Variants in PTOV1 observed in about 807,000 individuals in gnomAD.
The protein encoded by PTOV1 is prostate tumor-overexpressed gene 1 protein.
A neutral mutation model predicts 58.0 loss-of-function variants in PTOV1; 20 were observed. That is an observed-to-expected ratio of 0.34 (90% CI 0.24 to 0.50). The LOEUF (loss-of-function observed/expected upper bound fraction) is 0.50, where lower values mean the gene tolerates loss of function less well. Among genes scored for constraint, PTOV1 ranks in the 20% least tolerant of loss-of-function variants. PTOV1 has a pLI of 0.98. For synonymous variants in PTOV1, 335 were observed against 234.2 expected, an observed-to-expected ratio of 1.43 and a Z score of -3.93; for missense variants, 593 against 565.4, an observed-to-expected ratio of 1.05 and a Z score of -0.50.
intron 6 of PTOV1, 173 bp from the exon 7 acceptor site, chr19:49,857,520 C>T: frequency 1.5e-6 from 1 of 671,080 alleles, no homozygotes; most frequent in Non-Finnish European, 2.6e-6. Context: ...ACTGGGGAGC[C>T]ATGGGGGGCT....
exon 6 of PTOV1, chr19:49,857,049 G>A (rs752186492): frequency 2.5e-6 from 4 of 1,614,012 alleles, no homozygotes; most frequent in African/African-American, 1.3e-5. Flanking sequence ...CGTCCAAGAA[G>A]AAGATCTTCA....
intron 9 of PTOV1, 61 bp downstream of exon 9, chr19:49,858,175 TG>T: frequency 6.3e-7 from 1 of 1,577,358 alleles, no homozygotes. Context: ...AGGGCGGGGC[TG>T]GGGGCAAGAG....
chr19:49,852,035 C>T (rs764526306), intron 1 of PTOV1: 340 of 985,368 alleles, frequency 3.5e-4, no homozygotes, highest in Non-Finnish European at 3.9e-4. Context: ...TGCCGTGAGC[C>T]CAGACCTTAA....
intron 10 of PTOV1, 103 bp from the exon 11 acceptor site, chr19:49,859,883 T>C (rs2074672428): frequency 3.1e-6 from 4 of 1,275,438 alleles, no homozygotes; most frequent in Admixed American, 1.7e-5. Flanking sequence ...GACAGAGCAG[T>C]TAGGCTGTGC....
At chr19:49,858,871 C>G in intron 10 of PTOV1, 1 of 527,796 alleles carries the variant, frequency 1.9e-6, no homozygotes, top group South Asian at 2.6e-5. Context: ...TGCTCCTCCT[C>G]TGCCACATCA....
chr19:49,858,353 G>C, intron 9 of PTOV1, 196 bp from the exon 10 acceptor site: 1 of 679,418 alleles, frequency 1.5e-6, no homozygotes, highest in Non-Finnish European at 2.5e-6. Flanking sequence ...GCACCTGGGG[G>C]GCTGCCAAGG....
chr19:49,857,639 G>T, intron 6 of PTOV1, 54 bp from the exon 7 acceptor site: 1 of 1,538,434 alleles, frequency 6.5e-7, no homozygotes, highest in East Asian at 2.3e-5. Flanking sequence ...AGGACAGACA[G>T]ACAGGTTTCC....
intron 10 of PTOV1, chr19:49,858,880 C>G: frequency 1.9e-6 from 1 of 516,500 alleles, no homozygotes; most frequent in Middle Eastern, 5.2e-4. Flanking sequence ...TCTGCCACAT[C>G]AGGGCTGACT....
chr19:49,856,302 C>G (rs1397011338), intron 5 of PTOV1: 1 of 152,534 alleles, frequency 6.6e-6, no homozygotes, highest in African/African-American at 2.4e-5. Flanking sequence ...GGACAGGGCC[C>G]TGAGCGGGTG....
upstream of PTOV1, chr19:49,850,906 CCGCAAGGGGCCAG>C: frequency 6.5e-7 from 1 of 1,535,942 alleles, no homozygotes; most frequent in Admixed American, 2.0e-5. Flanking sequence ...GTCCCGACCC[CCGCAAGGGGCCAG>C]CTTGGTGTCG....
At chr19:49,854,673 T>C (rs1489055420) in exon 3 of PTOV1, 2 of 1,613,254 alleles carry the variant, frequency 1.2e-6, no homozygotes, top group Non-Finnish European at 1.7e-6. Context: ...CTACTCTGAC[T>C]CCACTGCAAA....
intron 9 of PTOV1, 86 bp from the exon 10 acceptor site, chr19:49,858,463 C>A: frequency 9.0e-7 from 1 of 1,113,248 alleles, no homozygotes; most frequent in South Asian, 1.4e-5. Context: ...TCAGTTTGGT[C>A]CTGGGCCCGG....
chr19:49,859,047 G>A lies in PTOV1; in HGVS notation c.1041+394G>A, dbSNP rs556765821. 4.2e-5 allele frequency: 7 copies of A among 168,528 alleles called. No individual in the cohort carries two copies. The East Asian group carries it at 1.1e-3, about 27-fold the overall frequency. 10.4% of individuals were successfully genotyped at this position (168,528 alleles called of 1,614,324 possible). On this transcript the variant is annotated intron_variant, in intron 10 of 11. Transcript: ENST00000391842. ...AGAATATTTGGCGATTGTCTTATCT[G>A]GGGGAGGCTCAGCTGACTCCTCTTC... is the stretch of plus-strand genomic sequence containing the variant.
At position 49,860,251 on chromosome 19, in the gene PTOV1, C is replaced by T. The variant is rs1568654201; in HGVS notation, c.1240-17C>T. 3 of 1,613,756 alleles carry T rather than the reference C, an allele frequency of 1.9e-6. No individual in the cohort carries two copies. The South Asian group carries it at 3.3e-5, about 18-fold the overall frequency. ...CCCGCTGCCTGCTCACCACTGGCCT[C>T]TGATTTCTCGCCGTAGATGGGGGGG... On this transcript the variant is annotated splice_polypyrimidine_tract_variant and intron_variant, in intron 11 of 11. Transcript: ENST00000391842.
chr19:49,851,762 G>A (rs1309144364), intron 1 of PTOV1: 8 of 1,086,774 alleles, frequency 7.4e-6, no homozygotes, highest in South Asian at 9.0e-5. Context: ...TCCGCGGCCC[G>A]ATTTAAACGC....
chr19:49,859,551 G>A (rs540462899), intron 10 of PTOV1, among the ~76,000 whole-genome samples: 25 of 150,750 alleles, frequency 1.7e-4, no homozygotes, highest in Admixed American at 2.6e-4. Context: ...CAGCCTGGGC[G>A]ACAAGAGCGA....
chr19:49,850,849 G>A (rs539152613), upstream of PTOV1: 4 of 1,535,078 alleles, frequency 2.6e-6, no homozygotes, highest in Non-Finnish European at 3.5e-6. Flanking sequence ...ATTTTGGCGC[G>A]GTCTCCTGGC....
chr19:49,859,726 C>T (rs977499733), intron 10 of PTOV1, among the ~76,000 whole-genome samples: 2 of 152,220 alleles, frequency 1.3e-5, no homozygotes, highest in African/African-American at 2.4e-5. Flanking sequence ...TGGCCCCAGA[C>T]ACAGCCTGGC....
chr19:49,850,998 C>T, upstream of PTOV1: 1 of 1,534,502 alleles, frequency 6.5e-7, no homozygotes, highest in Non-Finnish European at 8.7e-7. Flanking sequence ...AGTTGTGGCT[C>T]GCGCGTCTTC....
Sources: allele counts gnomAD v4.1 joint callset (sites outside exome capture counted in the v4.1 genomes callset), GRCh38; gene constraint gnomAD v4.1.1; transcripts MANE v1.5; gene names NCBI Gene and HGNC (gene_info 2026-07-23, HGNC 2026-07-21).